The following ELMO1 variants were observed in gnomAD, a reference collection of about 807,000 sequenced individuals.
ELMO1 encodes the protein engulfment and cell motility protein 1.
ELMO1 carries 26 observed loss-of-function variants against 98.9 expected under a neutral mutation model. The observed-to-expected ratio is 0.26, with a 90% CI of 0.19 to 0.36. The LOEUF is 0.36. Ranked by LOEUF, ELMO1 falls within the 10% of genes least tolerant of loss-of-function variation. The pLI is 1.00. For missense variants in ELMO1, 627 were observed against 935.2 expected, an observed-to-expected ratio of 0.67 and a Z score of 4.30; for synonymous variants, 346 against 346.0, an observed-to-expected ratio of 1.00 and a Z score of 0.00.
chr7:37,064,299 T>C (rs188550516), intron 15 of ELMO1, among the ~76,000 whole-genome samples: 1 of 152,288 alleles, frequency 6.6e-6, no homozygotes, highest in African/African-American at 2.4e-5. Flanking sequence ...GCATCCTTCA[T>C]AGAGAAAATT....
chr7:37,186,240 G>A (rs1328582659), intron 13 of ELMO1, among the ~76,000 whole-genome samples: 2 of 152,058 alleles, frequency 1.3e-5, no homozygotes, highest in African/African-American at 4.8e-5. Flanking sequence ...AATAATGCTA[G>A]GAAAACTAGA....
At chr7:37,285,372 G>A (rs1797340691) in intron 4 of ELMO1, among the ~76,000 whole-genome samples, 2 of 152,314 alleles carry the variant, frequency 1.3e-5, no homozygotes, top group Admixed American at 1.3e-4. Context: ...TAACAGTATG[G>A]TTTCTGTATC....
At chr7:37,202,989 G>T (rs1255231329) in intron 13 of ELMO1, among the ~76,000 whole-genome samples, 1 of 151,578 alleles carries the variant, frequency 6.6e-6, no homozygotes, top group East Asian at 1.9e-4. Context: ...GAATAGTTGT[G>T]CTCACTAATG....
intron 16 of ELMO1, among the ~76,000 whole-genome samples, chr7:37,009,191 G>A (rs545456605): frequency 6.6e-6 from 1 of 152,016 alleles, no homozygotes; most frequent in African/African-American, 2.4e-5. Context: ...AATGATTATG[G>A]GGCTACTTGT....
At chr7:37,103,847 T>C (rs1784785915) in intron 14 of ELMO1, among the ~76,000 whole-genome samples, 1 of 148,024 alleles carries the variant, frequency 6.8e-6, no homozygotes, top group Non-Finnish European at 1.5e-5. Flanking sequence ...ATACAAAATA[T>C]ATATATATTA....
chr7:36,910,792 G>A (rs1784292521), intron 16 of ELMO1, among the ~76,000 whole-genome samples: 1 of 152,190 alleles, frequency 6.6e-6, no homozygotes, highest in African/African-American at 2.4e-5. Flanking sequence ...GACGAATGAA[G>A]CTATACAGTC....
At chr7:36,928,935 A>G (rs1368515321) in intron 16 of ELMO1, among the ~76,000 whole-genome samples, 3 of 152,268 alleles carry the variant, frequency 2.0e-5, no homozygotes, top group African/African-American at 7.2e-5. Flanking sequence ...AGGGACTGGT[A>G]GCAGCATGAC....
chr7:37,216,787 G>A (rs7806425), intron 10 of ELMO1, 92 bp from the exon 11 acceptor site: 315,917 of 1,300,778 alleles, frequency 0.24, 40,151 homozygotes, highest in African/African-American at 0.42. Context: ...GGTGTGCTTC[G>A]TAACTGTATA....
intron 4 of ELMO1, among the ~76,000 whole-genome samples, chr7:37,310,444 C>T (rs562638056): frequency 5.9e-5 from 9 of 152,230 alleles, no homozygotes; most frequent in Non-Finnish European, 7.4e-5. Context: ...GAATGGTATT[C>T]GTGCAATCAT....
chr7:36,903,709 G>T (rs11769038), intron 16 of ELMO1, among the ~76,000 whole-genome samples: 68,658 of 152,036 alleles, frequency 0.45, 16,948 homozygotes, highest in Non-Finnish European at 0.56. Context: ...CAAGAAGGTA[G>T]GAAGGAGGAA....
In ELMO1 at chr7:36,901,983, G is replaced by A. The variant is rs1232294920; in HGVS notation, c.1438-6966C>T. 1.3e-5 allele frequency among the ~76,000 whole-genome samples: 2 copies of A among 152,202 alleles called. 1 individual carries two copies. The highest frequency in any genetic ancestry group is 2.9e-5 in the Non-Finnish European group (2 of 68,026). ...TGGTATTCTCGACTCTGCCTGAATG[G>A]TTTCAGGGCTTGGAAGATGCTCTGG... On this transcript the variant is annotated intron_variant, in intron 16 of 21. Transcript: ENST00000310758.
chr7:37,012,157 A>G (rs1318249460), intron 16 of ELMO1, among the ~76,000 whole-genome samples: 1 of 152,216 alleles, frequency 6.6e-6, no homozygotes, highest in Non-Finnish European at 1.5e-5. Context: ...AAGTGAGATC[A>G]CTGTGCTGAG....
intron 13 of ELMO1, among the ~76,000 whole-genome samples, chr7:37,185,616 G>A (rs1292813874): frequency 1.3e-5 from 2 of 152,112 alleles, no homozygotes; most frequent in Non-Finnish European, 2.9e-5. Context: ...GACTGATTGT[G>A]CCAACATGGT....
At chr7:37,016,247 A>G (rs1793921974) in intron 15 of ELMO1, among the ~76,000 whole-genome samples, 2 of 152,186 alleles carry the variant, frequency 1.3e-5, no homozygotes, top group African/African-American at 4.8e-5. Flanking sequence ...GAGGGAAGTG[A>G]CATCATTAAT....
chr7:36,866,944 T>C (rs953010863), intron 20 of ELMO1, among the ~76,000 whole-genome samples: 3 of 152,202 alleles, frequency 2.0e-5, no homozygotes, highest in African/African-American at 7.2e-5. Flanking sequence ...GCTTTCCTTC[T>C]GCCTTTTGAT....
chr7:37,163,432 T>C (rs1192153793), intron 13 of ELMO1, among the ~76,000 whole-genome samples: 7 of 152,048 alleles, frequency 4.6e-5, no homozygotes, highest in African/African-American at 7.3e-5. Flanking sequence ...CATGCTGGTG[T>C]GCTGCACCCA....
intron 1 of ELMO1, among the ~76,000 whole-genome samples, chr7:37,403,064 G>A (rs553413567): frequency 1.3e-5 from 2 of 152,250 alleles, no homozygotes; most frequent in African/African-American, 4.8e-5. Flanking sequence ...TTCCATAGAC[G>A]AATGAATAAA....
At chr7:36,982,058 G>A (rs555903746) in intron 16 of ELMO1, among the ~76,000 whole-genome samples, 10 of 152,350 alleles carry the variant, frequency 6.6e-5, no homozygotes, top group Middle Eastern at 3.4e-3. Context: ...AGTGAGTGTG[G>A]TGAGTGTGAC....
intron 16 of ELMO1, among the ~76,000 whole-genome samples, chr7:37,006,804 C>G (rs1434640973): frequency 6.6e-6 from 1 of 152,144 alleles, no homozygotes; most frequent in Non-Finnish European, 1.5e-5. Context: ...GGTTATGTTA[C>G]CTGTTATTAA....
Sources: allele counts gnomAD v4.1 joint callset (sites outside exome capture counted in the v4.1 genomes callset), GRCh38; gene constraint gnomAD v4.1.1; transcripts MANE v1.5; gene names NCBI Gene and HGNC (gene_info 2026-07-23, HGNC 2026-07-21).